Variants in CTPS1 observed in about 807,000 individuals in gnomAD.
The protein encoded by CTPS1 is CTP synthetase 1.
A neutral mutation model predicts 80.5 loss-of-function variants in CTPS1; 25 were observed. The ratio of observed to expected loss-of-function variants is 0.31; its 90% CI spans 0.23 to 0.43. The LOEUF (loss-of-function observed/expected upper bound fraction) is 0.43, where lower values mean the gene tolerates loss of function less well. Ranked by LOEUF, CTPS1 falls within the 20% of genes least tolerant of loss-of-function variation. CTPS1 has a pLI of 1.00. For synonymous variants in CTPS1, 267 were observed against 252.5 expected (o/e 1.06, Z -0.54); for missense variants, 442 against 725.7 (o/e 0.61, Z 4.49).
rs1368814154 is a variant in CTPS1, at chr1:41,012,511, C to T, written c.*863C>T. ...TAGCTACGTGGCACTATATTCTGGC[C>T]AGACTCGATGTGTACTCTAACTTAA... On this transcript the variant is annotated 3_prime_UTR_variant, in exon 19 of 19. Coordinates refer to ENST00000650070, the MANE Select transcript of CTPS1 (RefSeq NM_001905.4). 2 of 152,180 alleles carry T rather than the reference C, an allele frequency of 1.3e-5. No homozygotes were observed. The highest frequency in any genetic ancestry group is 4.8e-5 in the African/African-American group (2 of 41,444). The allele number at this position is 152,180 out of a possible 1,614,324, so 9.4% of individuals were successfully genotyped here. A position where few individuals can be genotyped will look rare whatever the true frequency, so the allele number is the denominator to read the frequency against.
Position 40,996,424 on chromosome 1 carries a change from C to T in CTPS1, c.872+356C>T, listed in dbSNP as rs575483402. The stretch of plus-strand genomic sequence containing the variant: ...CGAATGGCTGACAGTGGCTGGAGCA[C>T]TCCTGGGTACCACTCCAGAGTTCTG... On this transcript the variant is annotated intron_variant, in intron 8 of 18. Transcript: ENST00000650070. Among the ~76,000 whole-genome samples, 549 of 152,278 alleles carry T rather than the reference C, an allele frequency of 3.6e-3. 1 individual carries two copies. The highest frequency in any genetic ancestry group is 0.012 in the African/African-American group (513 of 41,546).
intron 1 of CTPS1, chr1:40,980,354 C>T (rs145302324): frequency 0.019 from 2,965 of 152,210 alleles, 55 homozygotes; most frequent in South Asian, 0.11. Flanking sequence ...GACGAGGGGG[C>T]CTGCGAACTC....
intron 12 of CTPS1, 91 bp downstream of exon 12, chr1:41,003,267 G>C: frequency 1.4e-6 from 2 of 1,431,678 alleles, no homozygotes; most frequent in Non-Finnish European, 2.0e-6. Flanking sequence ...CAGGAGCTTT[G>C]GAGAAGGGCA....
chr1:40,993,854 C>G (rs932403943), intron 7 of CTPS1, among the ~76,000 whole-genome samples: 5 of 138,726 alleles, frequency 3.6e-5, no homozygotes, highest in Non-Finnish European at 7.6e-5. Context: ...TCTTGGCTCA[C>G]TGCCATCTCT....
rs1190358006 is a variant in CTPS1 at position 40,979,737 on chromosome 1, A to G, written c.-106A>G. ...GCCTCCGTGAAAGACTGCCGGGCGCATGCGGTCGGGGTTGTTCACTGGCTG... is the reference window on the plus strand; with the variant it reads ...GCCTCCGTGAAAGACTGCCGGGCGCGTGCGGTCGGGGTTGTTCACTGGCTG... On this transcript the variant is annotated 5_prime_UTR_variant, in exon 1 of 19. The change abolishes an upstream ATG in the 5' untranslated region. Coordinates refer to ENST00000650070, the MANE Select transcript of CTPS1 (RefSeq NM_001905.4). 1 of 152,146 alleles carries G rather than the reference A, an allele frequency of 6.6e-6. No homozygotes were observed. The highest frequency in any genetic ancestry group is 2.1e-4 in the South Asian group (1 of 4,834). 9.4% of individuals were successfully genotyped at this position (152,146 alleles called of 1,614,324 possible). A position where few individuals can be genotyped will look rare whatever the true frequency, so the allele number is the denominator to read the frequency against.
At chr1:40,996,343 C>T (rs369548211) in intron 8 of CTPS1, among the ~76,000 whole-genome samples, 1 of 152,190 alleles carries the variant, frequency 6.6e-6, no homozygotes, top group East Asian at 1.9e-4. Flanking sequence ...CCAACTAGAT[C>T]AGTGCAGATG....
chr1:40,999,711 G>A (rs1642854301), intron 9 of CTPS1, among the ~76,000 whole-genome samples: 1 of 152,132 alleles, frequency 6.6e-6, no homozygotes, highest in South Asian at 2.1e-4. Context: ...ACTTGAAAAC[G>A]TCCACAAAAA....
At chr1:41,008,040 A>G (rs1386794442) in intron 14 of CTPS1, among the ~76,000 whole-genome samples, 2 of 152,172 alleles carry the variant, frequency 1.3e-5, no homozygotes, top group Admixed American at 6.5e-5. Context: ...TTCTGCCTTT[A>G]CTGTATTAGC....
chr1:41,010,136 T>C (rs772622458), intron 17 of CTPS1, 25 bp from the exon 18 acceptor site: 3 of 1,570,282 alleles, frequency 1.9e-6, no homozygotes, highest in South Asian at 2.2e-5. Flanking sequence ...TGGGAGATGA[T>C]GCGTAAACCA....
intron 7 of CTPS1, among the ~76,000 whole-genome samples, chr1:40,994,893 A>G (rs187855114): frequency 1.1e-3 from 163 of 152,344 alleles, no homozygotes; most frequent in African/African-American, 3.7e-3. Flanking sequence ...TCAAGTCTAC[A>G]TCTACTGAGG....
intron 14 of CTPS1, 53 bp from the exon 15 acceptor site, chr1:41,008,606 C>T (rs1401085369): frequency 3.8e-6 from 6 of 1,560,178 alleles, no homozygotes; most frequent in South Asian, 3.3e-5. Context: ...TCTTTGTGAA[C>T]GCATCATCCT....
chr1:40,988,997 A>G (rs768279788), intron 5 of CTPS1, among the ~76,000 whole-genome samples: 6 of 152,202 alleles, frequency 3.9e-5, no homozygotes, highest in Non-Finnish European at 7.3e-5. Flanking sequence ...TTTAAAGACA[A>G]ATCTTGTGGA....
chr1:41,008,617 G>A, intron 14 of CTPS1, 42 bp from the exon 15 acceptor site: 1 of 1,602,124 alleles, frequency 6.2e-7, no homozygotes, highest in Non-Finnish European at 8.6e-7. Context: ...GCATCATCCT[G>A]TGAGATAAAG....
chr1:40,980,854 C>G (rs1416640019), intron 1 of CTPS1: 1 of 153,082 alleles, frequency 6.5e-6, no homozygotes, highest in Non-Finnish European at 1.5e-5. Context: ...TCCCCGCCTT[C>G]CCCCTCACGG....
At chr1:40,999,769 G>A (rs908317461) in intron 9 of CTPS1, among the ~76,000 whole-genome samples, 3 of 152,142 alleles carry the variant, frequency 2.0e-5, no homozygotes, top group Non-Finnish European at 4.4e-5. Context: ...CTGAAATCTC[G>A]AAACAACCCA....
intron 11 of CTPS1, among the ~76,000 whole-genome samples, chr1:41,002,459 TGTC>T (rs755748970): frequency 4.6e-5 from 7 of 152,296 alleles, no homozygotes; most frequent in Admixed American, 2.0e-4. Context: ...TACATGTAGA[TGTC>T]GTGGAATTTT....
intron 7 of CTPS1, 46 bp downstream of exon 7, chr1:40,991,891 T>C: frequency 3.5e-6 from 5 of 1,434,364 alleles, no homozygotes; most frequent in Non-Finnish European, 4.9e-6. Context: ...TTGCTTCTAA[T>C]TGTCCTAAAG....
At chr1:40,991,878 T>A (rs1466414691) in intron 7 of CTPS1, 33 bp downstream of exon 7, 44 of 1,539,518 alleles carry the variant, frequency 2.9e-5, no homozygotes, top group Non-Finnish European at 3.9e-5. Flanking sequence ...AATAAGTTGT[T>A]TTTTGCTTCT....
chr1:41,002,744 G>C (rs2148413312), intron 11 of CTPS1, among the ~76,000 whole-genome samples: 1 of 152,286 alleles, frequency 6.6e-6, no homozygotes, highest in Non-Finnish European at 1.5e-5. Flanking sequence ...ACTTGTGGAG[G>C]CTGAGGCAGG....
Sources: gnomAD v4.1 joint callset for allele counts (sites outside exome capture counted in the v4.1 genomes callset) on GRCh38, gnomAD v4.1.1 for gene constraint, MANE v1.5 for transcripts, NCBI Gene and HGNC (gene_info 2026-07-23, HGNC 2026-07-21) for gene names.